Variants in STAT6 observed in about 807,000 individuals in gnomAD.
STAT6 encodes the protein signal transducer and activator of transcription 6.
STAT6 carries 45 observed loss-of-function variants against 106.3 expected under a neutral mutation model. That is an observed-to-expected ratio of 0.42 (90% CI 0.33 to 0.54). The LOEUF (loss-of-function observed/expected upper bound fraction) is 0.54, where lower values mean the gene tolerates loss of function less well. Ranked by LOEUF, STAT6 falls within the 20% of genes least tolerant of loss-of-function variation. The pLI, the probability that STAT6 is intolerant of heterozygous loss-of-function variation, is 0.06. For synonymous variants in STAT6, 413 were observed against 413.6 expected, an observed-to-expected ratio of 1.00 and a Z score of 0.02; for missense variants, 797 against 1,062.2, an observed-to-expected ratio of 0.75 and a Z score of 3.47.
intron 13 of STAT6, chr12:57,100,736 AAGAAAGAAAG>A (rs1180106055): frequency 1.5e-4 from 38 of 257,978 alleles, no homozygotes; most frequent in Non-Finnish European, 3.0e-4. Context: ...GAAAGAAAGA[AAGAAAGAAAG>A]AAAAGAAAAA....
chr12:57,104,928 T>C lies in STAT6; in HGVS notation c.1002-115A>G, dbSNP rs1385268947. ...CCAGCCCTAAATCTCCATGTCTCTG[T>C]TTGGGTTCTTAAGGGAGGAGTCCCC... On this transcript the variant is annotated intron_variant, in intron 9 of 21. Coordinates refer to ENST00000300134, the MANE Select transcript of STAT6 (RefSeq NM_003153.5). The C allele has an allele frequency of 3.0e-6, 4 of 1,334,712 alleles. 1 individual carries two copies. Among genetic ancestry groups the C allele is most frequent in the Admixed American group, 2.0e-5 (1 of 51,172 alleles). The allele number at this position is 1,334,712 out of a possible 1,614,324, so 82.7% of individuals were successfully genotyped here.
At chr12:57,097,813 T>C (rs531147780) in intron 19 of STAT6, among the ~76,000 whole-genome samples, 176 of 152,166 alleles carry the variant, frequency 1.2e-3, no homozygotes, top group Non-Finnish European at 1.5e-3. Flanking sequence ...AGCAGGAGGA[T>C]TGCTCGAGCC....
In STAT6 at chr12:57,096,295, T is replaced by C. The variant is rs904835485; in HGVS notation, c.*277A>G. 76 of 446,104 alleles carry C rather than the reference T, an allele frequency of 1.7e-4. 1 individual carries two copies. The South Asian group carries it at 2.4e-3, about 14-fold the overall frequency. 27.6% of individuals were successfully genotyped at this position (446,104 alleles called of 1,614,324 possible). On this transcript the variant is annotated 3_prime_UTR_variant, in exon 22 of 22. Coordinates refer to ENST00000300134, the MANE Select transcript of STAT6 (RefSeq NM_003153.5). ...TGTGTGTGTGCGTGCGTGTGCGCGC[T>C]GCAGGTGCAGGCATGTTGGGGTGTG...
chr12:57,098,178 A>G (rs1411385277), intron 19 of STAT6, among the ~76,000 whole-genome samples: 2 of 152,218 alleles, frequency 1.3e-5, no homozygotes, highest in African/African-American at 4.8e-5. Flanking sequence ...GCCATGCACT[A>G]TGCTCAGCTT....
chr12:57,106,197 T>C lies in STAT6; in HGVS notation c.674A>G (p.Gln225Arg). Residue 225 changes from glutamine to arginine, a missense_variant, in exon 7 of 22, where the codon CAG (glutamine) becomes CGG (arginine). By Grantham distance (43) the Gln-to-Arg change is conservative. Coordinates refer to ENST00000300134, the MANE Select transcript of STAT6 (RefSeq NM_003153.5). Reference sequence around the variant, plus strand: ...CCATCAGCCCTAGCCCAACCTCTCCTGGAGTGGGGCCAGGCTCTCCTCAAA... The same window carrying C: ...CCATCAGCCCTAGCCCAACCTCTCCCGGAGTGGGGCCAGGCTCTCCTCAAA... ...APFEESLAPL[Q>R]ERCESLVDIY... is the part of the protein sequence containing the mutation. 3.1e-6 allele frequency: 5 copies of C among 1,614,054 alleles called. No homozygotes were observed. The highest frequency in any genetic ancestry group is 3.4e-6 in the Non-Finnish European group (4 of 1,179,992).
At chr12:57,105,373 G>A (rs2034204144) in intron 8 of STAT6, 34 bp from the exon 9 acceptor site, 3 of 1,610,628 alleles carry the variant, frequency 1.9e-6, no homozygotes, top group Admixed American at 1.7e-5. Flanking sequence ...GGAGTTGGGG[G>A]CTAGGTCCCT....
At chr12:57,108,365 C>T (rs1043112924) in intron 1 of STAT6, 66 bp from the exon 2 acceptor site, 5 of 821,038 alleles carry the variant, frequency 6.1e-6, no homozygotes, top group African/African-American at 1.7e-5. Context: ...CCTGGGGCAG[C>T]CAGGGACCTC....
At chr12:57,106,643 C>A in intron 5 of STAT6, 50 bp downstream of exon 5, 1 of 1,613,260 alleles carries the variant, frequency 6.2e-7, no homozygotes, top group Non-Finnish European at 8.5e-7. Context: ...AGGTTGAGAT[C>A]CAAGAGGCAA....
chr12:57,096,366 G>C lies in STAT6; in HGVS notation c.*206C>G. The C allele has an allele frequency of 1.7e-6, 1 of 581,342 alleles. No individual in the cohort carries two copies. Among genetic ancestry groups the C allele is most frequent in the Non-Finnish European group, 3.0e-6 (1 of 331,842 alleles). 36.0% of individuals were successfully genotyped at this position (581,342 alleles called of 1,614,324 possible). Reference sequence around the variant, plus strand: ...TTCCAGTCAGTGCTGGAAGGAGGTGGGCAGGGGAATGATAGAAAGGAAGGA... The same window carrying C: ...TTCCAGTCAGTGCTGGAAGGAGGTGCGCAGGGGAATGATAGAAAGGAAGGA... On this transcript the variant is annotated 3_prime_UTR_variant, in exon 22 of 22. Coordinates refer to ENST00000300134, the MANE Select transcript of STAT6 (RefSeq NM_003153.5).
At position 57,104,606 on chromosome 12, in the gene STAT6, G is replaced by T; in HGVS notation, c.1090-20C>A. The T allele has an allele frequency of 1.2e-6, 2 of 1,613,780 alleles. No individual in the cohort carries two copies. The highest frequency in any genetic ancestry group is 1.7e-4 in the Middle Eastern group (1 of 6,056). ...GAGAAGCTGTGGGTGGGGTGAGGGAGAGCAAGGGCGAGGTCATGAGGACAG... is the reference window on the plus strand; with the variant it reads ...GAGAAGCTGTGGGTGGGGTGAGGGATAGCAAGGGCGAGGTCATGAGGACAG... On this transcript the variant is annotated intron_variant, in intron 10 of 21. Transcript: ENST00000300134.
At position 57,096,652 on chromosome 12, in the gene STAT6, G is replaced by C; in HGVS notation, c.2464C>G (p.Pro822Ala). The C allele has an allele frequency of 6.2e-7, 1 of 1,608,798 alleles. No individual in the cohort carries two copies. The highest frequency in any genetic ancestry group is 2.2e-5 in the East Asian group (1 of 44,856). ...ESGGGSLGAQ[P>A]LLQPSHYGQS... ...CCATAGTGGGAGGGCTGCAGGAGGG[G>C]CTGTGCCCCCAAGGACCCTCCCCCC... Residue 822 changes from proline (P) to alanine (A), a missense_variant, in exon 22 of 22, where the codon CCC becomes GCC. Around this residue, in one of 4 missense-constraint regions of STAT6, gnomAD observed 226 missense variants for 236.7 expected, o/e 0.95. Transcript: ENST00000300134.
intron 1 of STAT6, 39 bp from the exon 2 acceptor site, chr12:57,108,338 A>G (rs112596223): frequency 8.6e-7 from 1 of 1,157,630 alleles, no homozygotes; most frequent in South Asian, 1.3e-5. Context: ...GGGGTGCCCA[A>G]GAAACTTGGC....
In STAT6 at chr12:57,099,193, G is replaced by A; in HGVS notation, c.1891+101C>T. On this transcript the variant is annotated intron_variant, in intron 16 of 21. Transcript: ENST00000300134. The surrounding 1 kb of genome is among the most constrained non-coding windows in gnomAD (Gnocchi z 4.7). ...AAGAGAAGCACAGCTATGAAATAGGGAGTGACATCAGGATGACACGCGGGC... is the reference window on the plus strand; with the variant it reads ...AAGAGAAGCACAGCTATGAAATAGGAAGTGACATCAGGATGACACGCGGGC... The A allele has an allele frequency of 6.3e-7, 1 of 1,593,848 alleles. No homozygotes were observed. The highest frequency in any genetic ancestry group is 2.2e-5 in the East Asian group (1 of 44,776).
At chr12:57,104,287 C>G in intron 11 of STAT6, 177 bp downstream of exon 11, 1 of 862,236 alleles carries the variant, frequency 1.2e-6, no homozygotes, top group Non-Finnish European at 1.7e-6. Context: ...CTACCATTCC[C>G]TGCCCTGTGC....
In STAT6 at chr12:57,105,137, C is replaced by T; in HGVS notation, c.1001+14G>A. On this transcript the variant is annotated intron_variant, in intron 9 of 21. Coordinates refer to ENST00000300134, the MANE Select transcript of STAT6 (RefSeq NM_003153.5). The stretch of plus-strand genomic sequence containing the variant: ...AACAGCCCTTCTCCAACCCCAGGTC[C>T]AATCCCAGCTTACGCTCCAGCCCCA... 1 of 1,603,402 alleles carries T rather than the reference C, an allele frequency of 6.2e-7. No individual in the cohort carries two copies. Among genetic ancestry groups the T allele is most frequent in the Non-Finnish European group, 8.5e-7 (1 of 1,174,146 alleles).
rs1407140941 is a variant in STAT6 at position 57,107,214 on chromosome 12, G to T, written c.339+17C>A. The T allele has an allele frequency of 2.5e-6, 4 of 1,611,408 alleles. No homozygotes were observed. Among genetic ancestry groups the T allele is most frequent in the Non-Finnish European group, 3.4e-6 (4 of 1,177,532 alleles). On this transcript the variant is annotated intron_variant, in intron 4 of 21. Transcript: ENST00000300134. ...TCAGGGGATTGAGTTGGGGTGGGAGGTGGAATATCACAATACCTGTTCCAT... is the reference window on the plus strand; with the variant it reads ...TCAGGGGATTGAGTTGGGGTGGGAGTTGGAATATCACAATACCTGTTCCAT...
At chr12:57,110,205 T>G (rs2034499817) in intron 1 of STAT6, 1 of 152,310 alleles carries the variant, frequency 6.6e-6, no homozygotes, top group South Asian at 2.1e-4. Context: ...TGGCCCTGGC[T>G]AGAAATATCC....
intron 17 of STAT6, 48 bp downstream of exon 17, chr12:57,098,967 T>G (rs1460577195): frequency 6.2e-7 from 1 of 1,613,546 alleles, no homozygotes; most frequent in Non-Finnish European, 8.5e-7. Flanking sequence ...TTCCTGCAGA[T>G]AAGCACTAAG....
intron 7 of STAT6, 175 bp from the exon 8 acceptor site, chr12:57,105,774 G>T: frequency 8.8e-7 from 1 of 1,139,904 alleles, no homozygotes; most frequent in Non-Finnish European, 1.2e-6. Flanking sequence ...TTGGCCTAGG[G>T]TCTGGGTGGG....
Sources: gnomAD v4.1 joint callset for allele counts (sites outside exome capture counted in the v4.1 genomes callset) on GRCh38, gnomAD v4.1.1 for gene constraint, gnomAD v4.1.1 regional missense constraint, Gnocchi (gnomAD v3.1) non-coding constraint, MANE v1.5 for transcripts, NCBI Gene and HGNC (gene_info 2026-07-23, HGNC 2026-07-21) for gene names.